The following KANK1 variants were observed in gnomAD, a reference collection of about 807,000 sequenced individuals.
KANK1 encodes the protein KN motif and ankyrin repeat domains 1, also known as KN motif and ankyrin repeat domain-containing protein 1.
In KANK1, 109 loss-of-function variants were observed where a neutral mutation model predicts 106.2. That is an observed-to-expected ratio of 1.03 (90% CI 0.88 to 1.20). KANK1 has a LOEUF of 1.20. Ranked by LOEUF, KANK1 falls within the 50% of genes most tolerant of loss-of-function variation. The probability of loss-of-function intolerance (pLI) is 0.00; values close to 1 mark genes in which losing one functional copy is unlikely to be tolerated. For synonymous variants in KANK1, 873 were observed against 652.2 expected (o/e 1.34, Z -5.16); for missense variants, 2,399 against 1,710.7 (o/e 1.40, Z -7.10).
chr9:514,127 T>TTC (rs2059156971), intron 1 of KANK1, among the ~76,000 whole-genome samples: 1 of 84,908 alleles, frequency 1.2e-5, no homozygotes, highest in Non-Finnish European at 2.1e-5. Context: ...TCCCTCTCTC[T>TTC]CTCCCTCCCT....
At chr9:620,471 CG>C (rs1832889077) in intron 1 of KANK1, among the ~76,000 whole-genome samples, 1 of 149,456 alleles carries the variant, frequency 6.7e-6, no homozygotes, top group South Asian at 2.1e-4. Context: ...GGCGTGATTT[CG>C]GCTCACGGCA....
At chr9:707,292 T>A in intron 2 of KANK1, 1 of 941,396 alleles carries the variant, frequency 1.1e-6, no homozygotes, top group Non-Finnish European at 1.3e-6. Flanking sequence ...GCTGGCCGAA[T>A]TCCGGGGGGC....
intron 1 of KANK1, among the ~76,000 whole-genome samples, chr9:600,281 C>A (rs988057080): frequency 1.3e-5 from 2 of 151,744 alleles, no homozygotes; most frequent in Non-Finnish European, 2.9e-5. Context: ...AGTGGAATCA[C>A]ACGCTGTCTG....
At chr9:620,132 A>G in intron 1 of KANK1, among the ~76,000 whole-genome samples, 1 of 21,420 alleles carries the variant, frequency 4.7e-5, no homozygotes, top group East Asian at 5.6e-4. Context: ...ACTCCCATCT[A>G]AAAAAAAAAA....
intron 3 of KANK1, among the ~76,000 whole-genome samples, chr9:725,950 G>A (rs1589222222): frequency 6.6e-6 from 1 of 152,102 alleles, no homozygotes; most frequent in African/African-American, 2.4e-5. Context: ...AATTTATAAA[G>A]TATAATTTAG....
chr9:644,454 A>G lies in KANK1; in HGVS notation c.-83-32436A>G, dbSNP rs570560519. ...CTCAGGGTTCCGCAGGCCAGGAAGCATGGTGGCTTCTGGGGAGGCCTCAGG... is the reference window on the plus strand; with the variant it reads ...CTCAGGGTTCCGCAGGCCAGGAAGCGTGGTGGCTTCTGGGGAGGCCTCAGG... On this transcript the variant is annotated intron_variant, in intron 1 of 11. Transcript: ENST00000382297. Among the ~76,000 whole-genome samples the G allele has an allele frequency of 6.9e-4, 104 of 151,154 alleles. 7 individuals are homozygous for G. Among genetic ancestry groups the G allele is most frequent in the African/African-American group, 2.5e-3 (102 of 40,442 alleles).
In KANK1 at chr9:522,471, G is replaced by T. The variant is rs55945160; in HGVS notation, c.-84+17717G>T. Reference sequence around the variant, plus strand: ...TCACAAGCAGAGCATATGCTCTGTGGCATACTGGGGGTACTCAGTACTCTG... The same window carrying T: ...TCACAAGCAGAGCATATGCTCTGTGTCATACTGGGGGTACTCAGTACTCTG... On this transcript the variant is annotated intron_variant, in intron 1 of 11. Coordinates refer to ENST00000382297, the MANE Select transcript of KANK1 (RefSeq NM_015158.5). Among the ~76,000 whole-genome samples the T allele has an allele frequency of 4.4e-3, 674 of 151,630 alleles. 25 individuals are homozygous for T. Among genetic ancestry groups the T allele is most frequent in the African/African-American group, 0.015 (634 of 41,022 alleles).
chr9:740,654 C>G (rs944945399), intron 8 of KANK1, 138 bp from the exon 9 acceptor site: 3 of 945,122 alleles, frequency 3.2e-6, no homozygotes, highest in South Asian at 3.5e-5. Flanking sequence ...ACATTTCCTT[C>G]TAAGTCACTC....
chr9:679,114 T>G (rs955384636), intron 2 of KANK1, among the ~76,000 whole-genome samples: 1 of 152,162 alleles, frequency 6.6e-6, no homozygotes, highest in African/African-American at 2.4e-5. Context: ...GGCATTGAGG[T>G]TGAAGGCAAA....
Position 691,114 on chromosome 9 carries a change from A to C in KANK1, c.37+14105A>C, listed in dbSNP as rs1366902157. Among the ~76,000 whole-genome samples, 7 of 152,196 alleles carry C rather than the reference A, an allele frequency of 4.6e-5. No homozygotes were observed. In the East Asian group the frequency reaches 1.3e-3, roughly 29 times the overall value. On this transcript the variant is annotated intron_variant, in intron 2 of 11. Transcript: ENST00000382297. ...ATTGTTTCCCTTCCCAACCCTTGTC[A>C]TCGTCTGATAAAGGACTAGGCATTT...
At chr9:573,711 C>T (rs1213625383) in intron 1 of KANK1, among the ~76,000 whole-genome samples, 1 of 151,988 alleles carries the variant, frequency 6.6e-6, no homozygotes, top group African/African-American at 2.4e-5. Flanking sequence ...TTTTCTAGCT[C>T]AACACTCCCA....
At chr9:674,734 C>T (rs1489824987) in intron 1 of KANK1, among the ~76,000 whole-genome samples, 4 of 152,094 alleles carry the variant, frequency 2.6e-5, no homozygotes, top group East Asian at 1.9e-4. Flanking sequence ...GAGACAGTCT[C>T]GTTCTGTCGC....
intron 1 of KANK1, among the ~76,000 whole-genome samples, chr9:524,554 G>A (rs191054383): frequency 5.0e-4 from 76 of 151,780 alleles, no homozygotes; most frequent in Non-Finnish European, 5.3e-4. Flanking sequence ...GTCTTGGCCT[G>A]TCACCCAGGC....
intron 1 of KANK1, among the ~76,000 whole-genome samples, chr9:658,225 C>T (rs1305768614): frequency 6.6e-6 from 1 of 152,086 alleles, no homozygotes; most frequent in East Asian, 1.9e-4. Context: ...GAAGCCTATG[C>T]ATAAACAAAA....
intron 3 of KANK1, among the ~76,000 whole-genome samples, chr9:481,458 T>A (rs1027026834): frequency 6.6e-6 from 1 of 152,180 alleles, no homozygotes; most frequent in Non-Finnish European, 1.5e-5. Context: ...TAATGCACTT[T>A]TATCTAATAA....
intron 1 of KANK1, among the ~76,000 whole-genome samples, chr9:535,523 A>G (rs574096601): frequency 6.6e-6 from 1 of 152,342 alleles, no homozygotes; most frequent in African/African-American, 2.4e-5. Flanking sequence ...AGTGACGTTC[A>G]GAGAGGTGGT....
intron 2 of KANK1, among the ~76,000 whole-genome samples, chr9:681,286 A>C (rs969302688): frequency 6.6e-6 from 1 of 152,176 alleles, no homozygotes; most frequent in Non-Finnish European, 1.5e-5. Flanking sequence ...TTTGTTAAGG[A>C]GGTAAGAGCA....
At chr9:611,429 G>C (rs1361394758) in intron 1 of KANK1, among the ~76,000 whole-genome samples, 1 of 152,136 alleles carries the variant, frequency 6.6e-6, no homozygotes. Flanking sequence ...ATTGAACTTG[G>C]AATAAAAACC....
intron 1 of KANK1, among the ~76,000 whole-genome samples, chr9:588,843 T>A (rs914145841): frequency 6.6e-6 from 1 of 152,200 alleles, no homozygotes; most frequent in Non-Finnish European, 1.5e-5. Context: ...TAAAGTACTT[T>A]AGAACAGTGC....
Sources: allele counts gnomAD v4.1 joint callset (sites outside exome capture counted in the v4.1 genomes callset), GRCh38; gene constraint gnomAD v4.1.1; transcripts MANE v1.5; gene names NCBI Gene and HGNC (gene_info 2026-07-23, HGNC 2026-07-21).